Variants in PCDHGA3 observed in about 807,000 individuals in gnomAD.
PCDHGA3 encodes the protein protocadherin gamma subfamily A, 3, also known as protocadherin gamma-A3.
Under a neutral mutation model 58.5 loss-of-function variants are expected in PCDHGA3, and 40 were observed. The observed-to-expected ratio is 0.68, with a 90% CI of 0.53 to 0.89. The LOEUF (loss-of-function observed/expected upper bound fraction) is 0.89, where lower values mean the gene tolerates loss of function less well. Ranked by LOEUF, PCDHGA3 falls within the 40% of genes least tolerant of loss-of-function variation. PCDHGA3 has a pLI of 0.00. For synonymous variants in PCDHGA3, 530 were observed against 525.7 expected (o/e 1.01, Z -0.11); for missense variants, 1,223 against 1,195.9 (o/e 1.02, Z -0.33).
rs144490159 is a variant in PCDHGA3, at chr5:141,418,260, G to A, written c.2424+71803G>A. The A allele has an allele frequency of 5.0e-3, 7,995 of 1,614,000 alleles. 44 individuals carry two copies. Among genetic ancestry groups the A allele is most frequent in the Admixed American group, 9.4e-3 (566 of 60,026 alleles). ...GTTAATGACCACGCCCCTCAATTCCGGAAAGATGAAATAAACTTAGAAATC... is the reference window on the plus strand; with the variant it reads ...GTTAATGACCACGCCCCTCAATTCCAGAAAGATGAAATAAACTTAGAAATC... On this transcript the variant is annotated intron_variant, in intron 1 of 3. Coordinates refer to ENST00000253812, the MANE Select transcript of PCDHGA3 (RefSeq NM_018916.4).
chr5:141,476,483 G>A lies in PCDHGA3; in HGVS notation c.2425-18324G>A. On this transcript the variant is annotated intron_variant, in intron 1 of 3. Coordinates refer to ENST00000253812, the MANE Select transcript of PCDHGA3 (RefSeq NM_018916.4). The surrounding 1 kb of genome is among the most constrained non-coding windows in gnomAD (Gnocchi z 7.6). The stretch of plus-strand genomic sequence containing the variant: ...CCCGCTGGAGCTGTTCAGCGTGGAA[G>A]TGGTGATCCAGGACATCAACGACAA... The A allele has an allele frequency of 3.1e-6, 5 of 1,614,166 alleles. No individual in the cohort carries two copies. Among genetic ancestry groups the A allele is most frequent in the Non-Finnish European group, 4.2e-6 (5 of 1,180,034 alleles).
intron 1 of PCDHGA3, chr5:141,419,864 C>A (rs1282571542): frequency 6.2e-7 from 1 of 1,613,966 alleles, no homozygotes; most frequent in Non-Finnish European, 8.5e-7. Context: ...AGATAGCTTG[C>A]AAGAGGTACT....
At chr5:141,377,447 A>AG (rs1773997095) in intron 1 of PCDHGA3, 1 of 152,082 alleles carries the variant, frequency 6.6e-6, no homozygotes, top group African/African-American at 2.4e-5. Context: ...AAGAAAAAAA[A>AG]GTAGCCAGAT....
intron 1 of PCDHGA3, chr5:141,384,391 G>A: frequency 1.2e-6 from 2 of 1,613,920 alleles, no homozygotes; most frequent in Non-Finnish European, 1.7e-6. Context: ...CACCATCCAG[G>A]GGGCTCCAGT....
chr5:141,470,842 CA>C (rs1300821457), intron 1 of PCDHGA3, among the ~76,000 whole-genome samples: 2 of 152,044 alleles, frequency 1.3e-5, no homozygotes, highest in African/African-American at 4.8e-5. Flanking sequence ...CACACGCCAC[CA>C]TGCTCAGATA....
In PCDHGA3 at chr5:141,370,463, T is replaced by C. The variant is rs763997500; in HGVS notation, c.2424+24006T>C. On this transcript the variant is annotated intron_variant, in intron 1 of 3. Coordinates refer to ENST00000253812, the MANE Select transcript of PCDHGA3 (RefSeq NM_018916.4). ...GAATGCTATTTCTCTTCCTGCTCTCTTTGTTAGACCAGGCTCTCTCCGAAC... is the reference window on the plus strand; with the variant it reads ...GAATGCTATTTCTCTTCCTGCTCTCCTTGTTAGACCAGGCTCTCTCCGAAC... The C allele has an allele frequency of 1.9e-6, 3 of 1,612,968 alleles. No individual in the cohort carries two copies. The East Asian group carries it at 6.7e-5, about 36-fold the overall frequency.
chr5:141,415,029 G>A (rs777967290), intron 1 of PCDHGA3: 4 of 1,613,436 alleles, frequency 2.5e-6, no homozygotes, highest in Non-Finnish European at 3.4e-6. Flanking sequence ...CCAGCGAGCC[G>A]GGACTCTTCG....
intron 1 of PCDHGA3, chr5:141,360,002 A>G: frequency 8.5e-7 from 1 of 1,173,940 alleles, no homozygotes; most frequent in Non-Finnish European, 1.1e-6. Context: ...TCCTGCACAA[A>G]CCAACCACAC....
intron 2 of PCDHGA3, among the ~76,000 whole-genome samples, chr5:141,496,841 G>C (rs2099771828): frequency 6.6e-6 from 1 of 151,398 alleles, no homozygotes; most frequent in South Asian, 2.1e-4. Context: ...GAACTCATAG[G>C]CTTCCAGACC....
At chr5:141,459,938 C>T (rs373341229) in intron 1 of PCDHGA3, among the ~76,000 whole-genome samples, 4 of 152,148 alleles carry the variant, frequency 2.6e-5, no homozygotes, top group African/African-American at 4.8e-5. Context: ...TGTAGCTGGG[C>T]GTGATGGCAG....
chr5:141,398,914 C>G, intron 1 of PCDHGA3: 1 of 1,613,964 alleles, frequency 6.2e-7, no homozygotes, highest in Non-Finnish European at 8.5e-7. Flanking sequence ...CACTGTGTTG[C>G]AAGTGTCAGC....
chr5:141,414,263 A>G, intron 1 of PCDHGA3: 1 of 1,613,500 alleles, frequency 6.2e-7, no homozygotes, highest in Non-Finnish European at 8.5e-7. Flanking sequence ...GTGACTGAAG[A>G]TTCACCTCTG....
At chr5:141,464,091 T>G (rs2099075583) in intron 1 of PCDHGA3, among the ~76,000 whole-genome samples, 1 of 151,812 alleles carries the variant, frequency 6.6e-6, no homozygotes, top group African/African-American at 2.4e-5. Flanking sequence ...ATGGTGAAAC[T>G]CCGTCTCTAC....
At chr5:141,421,748 G>A (rs763166274) in intron 1 of PCDHGA3, 4 of 1,613,944 alleles carry the variant, frequency 2.5e-6, no homozygotes, top group South Asian at 2.2e-5. Context: ...TACCAGCTCA[G>A]CCCTAATAAT....
intron 1 of PCDHGA3, chr5:141,400,710 C>A (rs1480952915): frequency 2.9e-6 from 2 of 693,672 alleles, no homozygotes; most frequent in Non-Finnish European, 4.8e-6. Context: ...AAAGAAGTAG[C>A]CTTATAGATT....
At chr5:141,361,035 A>T in intron 1 of PCDHGA3, 1 of 1,613,478 alleles carries the variant, frequency 6.2e-7, no homozygotes, top group South Asian at 1.1e-5. Context: ...AAACAGGAGA[A>T]ATCACGACAA....
At chr5:141,405,024 T>C in intron 1 of PCDHGA3, 1 of 1,613,920 alleles carries the variant, frequency 6.2e-7, no homozygotes, top group Non-Finnish European at 8.5e-7. Flanking sequence ...GACCTTACCC[T>C]CTACCTCGTT....
At position 141,486,383 on chromosome 5, in the gene PCDHGA3, C is replaced by A. The variant is rs757384186; in HGVS notation, c.2425-8424C>A. On this transcript the variant is annotated intron_variant, in intron 1 of 3. Transcript: ENST00000253812. The surrounding 1 kb of genome is among the most constrained non-coding windows in gnomAD (Gnocchi z 5.0). ...TGCCCTCAAGTCTGCCTTCAGGAAC[C>A]AGTTCTCCCTGGTGACTGCTGGACC... The A allele has an allele frequency of 6.2e-7, 1 of 1,614,040 alleles. No homozygotes were observed. Among genetic ancestry groups the A allele is most frequent in the East Asian group, 2.2e-5 (1 of 44,884 alleles).
intron 1 of PCDHGA3, chr5:141,411,158 A>T (rs1384845652): frequency 6.6e-6 from 1 of 152,212 alleles, no homozygotes; most frequent in Admixed American, 6.5e-5. Context: ...TCAAGTTCTG[A>T]CTATCGAACA....
Sources: allele counts gnomAD v4.1 joint callset (sites outside exome capture counted in the v4.1 genomes callset), GRCh38; gene constraint gnomAD v4.1.1; non-coding constraint Gnocchi (gnomAD v3.1); transcripts MANE v1.5; gene names NCBI Gene and HGNC (gene_info 2026-07-23, HGNC 2026-07-21).